Variants in EVL observed in about 807,000 individuals in gnomAD.
EVL encodes ena/VASP-like protein.
A neutral mutation model predicts 59.6 loss-of-function variants in EVL; 21 were observed. The observed-to-expected ratio is 0.35, with a 90% CI of 0.25 to 0.51. The LOEUF is 0.51. EVL is among the 20% of genes least tolerant of loss of function. EVL has a pLI of 0.97. For synonymous variants in EVL, 198 were observed against 203.5 expected, an observed-to-expected ratio of 0.97 and a Z score of 0.23; for missense variants, 462 against 546.6, an observed-to-expected ratio of 0.85 and a Z score of 1.54.
intron 3 of EVL, among the ~76,000 whole-genome samples, chr14:100,111,979 T>C (rs974817250): frequency 5.9e-5 from 9 of 152,198 alleles, no homozygotes; most frequent in Non-Finnish European, 1.0e-4. Flanking sequence ...CAGAGGTTGA[T>C]TATTATAAAC....
rs907506864 is a variant in EVL at position 100,127,473 on chromosome 14, C to T, written c.487+702C>T. Among the ~76,000 whole-genome samples the T allele has an allele frequency of 6.6e-6, 1 of 152,142 alleles. No homozygotes were observed. Among genetic ancestry groups the T allele is most frequent in the Non-Finnish European group, 1.5e-5 (1 of 68,026 alleles). ...CTCTGCTCGTGAGATGCTGGCTGAC[C>T]CCATCACCCCCACCTAGCTGCTGCT... is the stretch of plus-strand genomic sequence containing the variant. On this transcript the variant is annotated intron_variant, in intron 5 of 13. Transcript: ENST00000392920. The surrounding 1 kb of genome is among the most constrained non-coding windows in gnomAD (Gnocchi z 4.2).
chr14:100,037,808 C>T (rs958559423), intron 1 of EVL, among the ~76,000 whole-genome samples: 1 of 152,114 alleles, frequency 6.6e-6, no homozygotes, highest in Non-Finnish European at 1.5e-5. Flanking sequence ...CCACTATGTC[C>T]CAGGCAATAT....
chr14:100,075,926 C>T (rs540620001), intron 1 of EVL, among the ~76,000 whole-genome samples: 1 of 152,268 alleles, frequency 6.6e-6, no homozygotes, highest in African/African-American at 2.4e-5. Context: ...TCTCATACAC[C>T]CATTTTGCAG....
At chr14:100,080,902 A>C (rs1196723191) in intron 1 of EVL, among the ~76,000 whole-genome samples, 1 of 152,232 alleles carries the variant, frequency 6.6e-6, no homozygotes, top group African/African-American at 2.4e-5. Context: ...TAGTAAATGA[A>C]ATTTCATATG....
At chr14:100,093,191 C>T (rs1467500954) in intron 2 of EVL, among the ~76,000 whole-genome samples, 1 of 152,218 alleles carries the variant, frequency 6.6e-6, no homozygotes, top group African/African-American at 2.4e-5. Flanking sequence ...TTGCACTGGA[C>T]TCTCCTGTTT....
In EVL at chr14:100,127,559, G is replaced by A. The variant is rs1264160344; in HGVS notation, c.487+788G>A. On this transcript the variant is annotated intron_variant, in intron 5 of 13. Transcript: ENST00000392920. The surrounding 1 kb of genome is among the most constrained non-coding windows in gnomAD (Gnocchi z 4.2). ...GCAGGTCTGACACTGTCATCATGTC[G>A]TCCCTTCCCCATCACTCTTGGAACA... 1.3e-5 allele frequency among the ~76,000 whole-genome samples: 2 copies of A among 152,080 alleles called. No individual in the cohort carries two copies. The highest frequency in any genetic ancestry group is 6.5e-5 in the Admixed American group (1 of 15,268).
intron 1 of EVL, among the ~76,000 whole-genome samples, chr14:100,032,434 C>T (rs761406493): frequency 5.9e-5 from 9 of 152,110 alleles, no homozygotes; most frequent in African/African-American, 1.7e-4. Flanking sequence ...TACCCATGAC[C>T]GAATGCTTAA....
chr14:99,979,705 G>A (rs758840026), intron 1 of EVL, among the ~76,000 whole-genome samples: 5 of 151,824 alleles, frequency 3.3e-5, no homozygotes, highest in South Asian at 2.1e-4. Flanking sequence ...CCATCTCTAC[G>A]AAAAGTACAA....
chr14:100,061,427 AAAAAG>A (rs2061829242), upstream of EVL, among the ~76,000 whole-genome samples: 1 of 146,044 alleles, frequency 6.8e-6, no homozygotes, highest in Non-Finnish European at 1.5e-5. Context: ...AAAAAAAAAA[AAAAAG>A]AAATGCTAAA....
chr14:99,994,247 G>A (rs1437337534), intron 1 of EVL, among the ~76,000 whole-genome samples: 7 of 148,792 alleles, frequency 4.7e-5, no homozygotes, highest in Admixed American at 6.8e-5. Context: ...CTTTTAATTG[G>A]ACTTTAATCC....
intron 1 of EVL, among the ~76,000 whole-genome samples, chr14:100,047,826 T>C (rs1232231570): frequency 6.6e-6 from 1 of 152,144 alleles, no homozygotes; most frequent in Non-Finnish European, 1.5e-5. Context: ...CCGACAAAAA[T>C]GCCAAGTGAT....
chr14:100,103,057 G>A (rs1272187019), intron 3 of EVL, among the ~76,000 whole-genome samples: 9 of 145,798 alleles, frequency 6.2e-5, no homozygotes, highest in East Asian at 2.0e-4. Context: ...AGCCGAGATC[G>A]CCTCACTGCA....
chr14:100,037,527 G>A (rs2061406235), intron 1 of EVL, among the ~76,000 whole-genome samples: 1 of 152,206 alleles, frequency 6.6e-6, no homozygotes, highest in South Asian at 2.1e-4. Context: ...CCTTCTAGAT[G>A]ATGCACTGTG....
At chr14:100,098,977 G>GT (rs1886005596) in intron 3 of EVL, among the ~76,000 whole-genome samples, 1 of 152,098 alleles carries the variant, frequency 6.6e-6, no homozygotes, top group African/African-American at 2.4e-5. Context: ...TGCTGCTGCT[G>GT]TTACTGCTAT....
chr14:100,031,707 A>G (rs2061317264), intron 1 of EVL, among the ~76,000 whole-genome samples: 1 of 152,248 alleles, frequency 6.6e-6, no homozygotes, highest in Non-Finnish European at 1.5e-5. Context: ...CCAGTCAGCC[A>G]GTTCAGATCC....
intron 1 of EVL, among the ~76,000 whole-genome samples, chr14:99,979,128 G>A (rs557854697): frequency 6.6e-6 from 1 of 151,960 alleles, no homozygotes; most frequent in South Asian, 2.1e-4. Context: ...GTAAGGAGGT[G>A]TAAGGAACTA....
At chr14:99,985,893 C>G (rs561501980) in intron 1 of EVL, among the ~76,000 whole-genome samples, 6 of 152,266 alleles carry the variant, frequency 3.9e-5, no homozygotes, top group African/African-American at 1.4e-4. Context: ...AGATCTCTAA[C>G]TTCGGCTTGA....
chr14:99,987,096 G>A (rs551350595), intron 1 of EVL, among the ~76,000 whole-genome samples: 46 of 152,198 alleles, frequency 3.0e-4, no homozygotes, highest in Middle Eastern at 3.4e-3. Flanking sequence ...AAATGGTACC[G>A]TCAATAAAGT....
intron 6 of EVL, among the ~76,000 whole-genome samples, 193 bp downstream of exon 6, chr14:100,128,941 T>G (rs3783337): frequency 1.3e-5 from 2 of 152,114 alleles, no homozygotes; most frequent in Admixed American, 6.5e-5. Context: ...GAAGTTAGCC[T>G]TTGAGCCTCA....
Sources: allele counts gnomAD v4.1 joint callset (sites outside exome capture counted in the v4.1 genomes callset), GRCh38; gene constraint gnomAD v4.1.1; non-coding constraint Gnocchi (gnomAD v3.1); transcripts MANE v1.5; gene names NCBI Gene and HGNC (gene_info 2026-07-23, HGNC 2026-07-21).